VPS13B: variants seen among roughly 807,000 people sequenced by gnomAD.
VPS13B encodes the protein vacuolar protein sorting 13 homolog B, also known as intermembrane lipid transfer protein VPS13B.
A neutral mutation model predicts 426.4 loss-of-function variants in VPS13B; 285 were observed. The ratio of observed to expected loss-of-function variants is 0.67; its 90% CI spans 0.61 to 0.74. VPS13B has a LOEUF of 0.74. Among genes scored for constraint, VPS13B ranks in the 30% least tolerant of loss-of-function variants. The pLI is 0.00. For missense variants in VPS13B, 4,537 were observed against 4,782.6 expected, an observed-to-expected ratio of 0.95 and a Z score of 1.51; for synonymous variants, 1,676 against 1,676.4, an observed-to-expected ratio of 1.00 and a Z score of 0.01.
intron 40 of VPS13B, among the ~76,000 whole-genome samples, chr8:99,773,952 G>A (rs770893189): frequency 6.6e-6 from 1 of 152,148 alleles, no homozygotes; most frequent in Admixed American, 6.5e-5. Flanking sequence ...CTTAATTAGG[G>A]AAATTATACA....
chr8:99,618,801 C>T (rs576603248), intron 33 of VPS13B, among the ~76,000 whole-genome samples: 1 of 152,190 alleles, frequency 6.6e-6, no homozygotes, highest in Non-Finnish European at 1.5e-5. Context: ...CTTTTAGTGG[C>T]TTTTTTAATC....
intron 3 of VPS13B, among the ~76,000 whole-genome samples, chr8:99,067,384 G>A (rs983342819): frequency 9.2e-5 from 14 of 152,210 alleles, no homozygotes; most frequent in South Asian, 8.3e-4. Flanking sequence ...TGAGCAAACC[G>A]TCACAAGGAT....
chr8:99,750,073 A>G (rs1321023372), intron 39 of VPS13B, among the ~76,000 whole-genome samples: 2 of 152,116 alleles, frequency 1.3e-5, no homozygotes, highest in Admixed American at 1.3e-4. Flanking sequence ...CAATAATTAC[A>G]TTTTTATTTC....
intron 2 of VPS13B, among the ~76,000 whole-genome samples, chr8:99,032,538 T>C (rs190775528): frequency 0.013 from 1,970 of 149,966 alleles, 40 homozygotes; most frequent in African/African-American, 0.045. Flanking sequence ...TTTTCTTTTT[T>C]TTTTTTTTTG....
At chr8:99,403,596 T>A (rs190975929) in intron 21 of VPS13B, among the ~76,000 whole-genome samples, 12 of 151,784 alleles carry the variant, frequency 7.9e-5, no homozygotes, top group Admixed American at 1.3e-4. Context: ...TGCTTGACTG[T>A]CTTAAATCAT....
intron 13 of VPS13B, among the ~76,000 whole-genome samples, chr8:99,147,092 A>G (rs755315049): frequency 1.3e-5 from 2 of 151,912 alleles, no homozygotes; most frequent in African/African-American, 2.4e-5. Flanking sequence ...GAACAAGACT[A>G]TAAAGGAAGG....
At chr8:99,619,034 C>G (rs7842833) in intron 33 of VPS13B, among the ~76,000 whole-genome samples, 4,079 of 152,114 alleles carry the variant, frequency 0.027, 79 homozygotes, top group South Asian at 0.057. Context: ...ATAATAGTTC[C>G]TATGTACATG....
intron 39 of VPS13B, among the ~76,000 whole-genome samples, chr8:99,722,167 C>A (rs1222735898): frequency 6.6e-6 from 1 of 152,168 alleles, no homozygotes; most frequent in Non-Finnish European, 1.5e-5. Flanking sequence ...GAGCAGACCA[C>A]CTGTCACATT....
intron 31 of VPS13B, among the ~76,000 whole-genome samples, chr8:99,561,209 C>T (rs1418111946): frequency 6.6e-6 from 1 of 152,118 alleles, no homozygotes; most frequent in Admixed American, 6.6e-5. Context: ...TTTCCAGTTC[C>T]TAGCAACCAC....
chr8:99,255,028 T>C (rs1817677998), intron 17 of VPS13B, among the ~76,000 whole-genome samples: 1 of 152,212 alleles, frequency 6.6e-6, no homozygotes, highest in Non-Finnish European at 1.5e-5. Flanking sequence ...TCATAGGTCC[T>C]TAAGACTCTT....
intron 35 of VPS13B, among the ~76,000 whole-genome samples, chr8:99,695,292 C>A (rs1831913633): frequency 1.3e-5 from 2 of 148,192 alleles, no homozygotes; most frequent in Non-Finnish European, 1.5e-5. Flanking sequence ...AGACTTGGAA[C>A]CAACCCAAAT....
rs769606496 is a variant in VPS13B at position 99,854,214 on chromosome 8, G to A, written c.10825G>A (p.Ala3609Thr). The A allele has an allele frequency of 8.7e-6, 14 of 1,613,962 alleles. No homozygotes were observed. The highest frequency in any genetic ancestry group is 2.7e-5 in the African/African-American group (2 of 74,914). ...CACCACTGCGAGGCAGCTTGTGCAC[G>A]CCCTGGCAATGCACTATGCCGCTGG... ...IFTTARQLVHALAMHYAAGAL... is the reference protein window; with the variant it reads ...IFTTARQLVHTLAMHYAAGAL... Residue 3609 changes from alanine (A) to threonine (T), a missense_variant, in exon 56 of 62, where the codon GCC becomes ACC. Ala to Thr is a moderately conservative substitution (Grantham distance 58, BLOSUM62 0). Coordinates refer to ENST00000357162, the MANE Select transcript of VPS13B (RefSeq NM_152564.5).
rs75213793 is a variant in VPS13B, at chr8:99,501,531, G to A, written c.3871-156G>A. Among the ~76,000 whole-genome samples, 3,161 of 152,236 alleles carry A rather than the reference G, an allele frequency of 0.021. 117 individuals carry two copies. The highest frequency in any genetic ancestry group is 0.072 in the African/African-American group (2,994 of 41,532). Reference sequence around the variant, plus strand: ...TTGAGAAGTGTATGTTTATACATTAGCATTATGTATTGGTATTAACATTTA... The same window carrying A: ...TTGAGAAGTGTATGTTTATACATTAACATTATGTATTGGTATTAACATTTA... On this transcript the variant is annotated intron_variant, in intron 25 of 61. Coordinates refer to ENST00000357162, the MANE Select transcript of VPS13B (RefSeq NM_152564.5).
At chr8:99,625,459 A>G (rs924293803) in intron 33 of VPS13B, among the ~76,000 whole-genome samples, 3 of 152,130 alleles carry the variant, frequency 2.0e-5, no homozygotes, top group African/African-American at 7.2e-5. Flanking sequence ...AAGATCAGCA[A>G]CCAAGCACTT....
chr8:99,046,983 A>G (rs1157829995), intron 3 of VPS13B, among the ~76,000 whole-genome samples: 1 of 152,076 alleles, frequency 6.6e-6, no homozygotes, highest in African/African-American at 2.4e-5. Flanking sequence ...ATTGGCATGT[A>G]GTTTTCTTTT....
At chr8:99,368,767 A>G (rs1010185804) in intron 19 of VPS13B, among the ~76,000 whole-genome samples, 2 of 152,098 alleles carry the variant, frequency 1.3e-5, no homozygotes, top group Non-Finnish European at 2.9e-5. Context: ...TTAAATGCAC[A>G]CTTGAGATTT....
chr8:99,574,732 A>G (rs1304157336), intron 31 of VPS13B, among the ~76,000 whole-genome samples: 6 of 152,198 alleles, frequency 3.9e-5, no homozygotes, highest in Admixed American at 3.9e-4. Flanking sequence ...TCCAGGTCCA[A>G]TTCTGGAACC....
chr8:99,247,715 C>T (rs1336694382), intron 17 of VPS13B, among the ~76,000 whole-genome samples: 2 of 152,110 alleles, frequency 1.3e-5, no homozygotes, highest in Non-Finnish European at 2.9e-5. Context: ...TTAGCATTTG[C>T]GTTACAACTA....
intron 16 of VPS13B, among the ~76,000 whole-genome samples, chr8:99,189,250 A>G (rs1412991447): frequency 6.6e-6 from 1 of 152,188 alleles, no homozygotes; most frequent in East Asian, 1.9e-4. Flanking sequence ...CGCCCGGCCA[A>G]AGTTCCCTTA....
Sources: gnomAD v4.1 joint callset for allele counts (sites outside exome capture counted in the v4.1 genomes callset) on GRCh38, gnomAD v4.1.1 for gene constraint, MANE v1.5 for transcripts, NCBI Gene and HGNC (gene_info 2026-07-23, HGNC 2026-07-21) for gene names.